PDP2: variants seen among roughly 807,000 people sequenced by gnomAD.
PDP2 encodes pyruvate dehydrogenase phosphatase catalytic subunit 2.
PDP2 carries 23 observed loss-of-function variants against 34.2 expected under a neutral mutation model. The ratio of observed to expected loss-of-function variants is 0.67; its 90% CI spans 0.48 to 0.95. The LOEUF (loss-of-function observed/expected upper bound fraction) is 0.95, where lower values mean the gene tolerates loss of function less well. Among genes scored for constraint, PDP2 ranks in the 40% least tolerant of loss-of-function variants. PDP2 has a pLI of 0.00. For missense variants in PDP2, 571 were observed against 659.6 expected (o/e 0.87, Z 1.47); for synonymous variants, 275 against 269.2 (o/e 1.02, Z -0.21).
In PDP2 at chr16:66,888,997, A is replaced by G. The variant is rs1167984586; in HGVS notation, c.*3123A>G. ...TCTTTCCATGAACATTCTGGGGAGC[A>G]CCTCCTGATTAAACTCCTGTCTCCC... is the stretch of plus-strand genomic sequence containing the variant. On this transcript the variant is annotated 3_prime_UTR_variant, in exon 2 of 2. Transcript: ENST00000311765. 1 of 152,114 alleles carries G rather than the reference A, an allele frequency of 6.6e-6. No homozygotes were observed. The highest frequency in any genetic ancestry group is 1.5e-5 in the Non-Finnish European group (1 of 68,022). 9.4% of individuals were successfully genotyped at this position (152,114 alleles called of 1,614,324 possible).
At chr16:66,882,160 A>ACGT (rs1961546889) in intron 1 of PDP2, among the ~76,000 whole-genome samples, 1 of 152,254 alleles carries the variant, frequency 6.6e-6, no homozygotes, top group Admixed American at 6.5e-5. Flanking sequence ...CTACAAAAAT[A>ACGT]CGTACAGAAT....
chr16:66,885,924 T>C lies in PDP2; in HGVS notation c.*50T>C, dbSNP rs1156288251. On this transcript the variant is annotated 3_prime_UTR_variant, in exon 2 of 2. Transcript: ENST00000311765. The surrounding 1 kb of genome is among the most constrained non-coding windows in gnomAD (Gnocchi z 4.6). ...TTAACATAAATGCTCTTCTAAAATG[T>C]TTCACTTACTCCTAAACTAGCTATC... is the stretch of plus-strand genomic sequence containing the variant. 1 of 1,519,158 alleles carries C rather than the reference T, an allele frequency of 6.6e-7. No individual in the cohort carries two copies. Among genetic ancestry groups the C allele is most frequent in the Non-Finnish European group, 8.9e-7 (1 of 1,119,958 alleles). The allele number at this position is 1,519,158 out of a possible 1,614,324, so 94.1% of individuals were successfully genotyped here.
Position 66,885,292 on chromosome 16 carries a change from C to G in PDP2, c.1008C>G (p.Asp336Glu). 1 of 1,614,120 alleles carries G rather than the reference C, an allele frequency of 6.2e-7. No individual in the cohort carries two copies. The highest frequency in any genetic ancestry group is 1.1e-5 in the South Asian group (1 of 91,072). Residue 336 changes from aspartate to glutamate, a missense_variant, in exon 2 of 2, where the codon GAC becomes GAG. Asp to Glu is a conservative substitution (Grantham distance 45, BLOSUM62 2). This residue lies in a region of PDP2 where 281 missense variants were observed against 375.8 expected (regional missense o/e 0.75). Transcript: ENST00000311765. This position sits in a 1 kb window ranked among gnomAD's most constrained non-coding sequence, Gnocchi z 4.6. The part of the protein sequence containing the change: ...ESEDRTIIME[D>E]RLLGVLIPCR... The stretch of plus-strand genomic sequence containing the variant: ...AGGACAGGACGATCATCATGGAGGA[C>G]AGGCTACTGGGCGTCCTCATCCCCT...
In PDP2 at chr16:66,885,657, G is replaced by A. The variant is rs1961731596; in HGVS notation, c.1373G>A (p.Arg458Lys). The change falls in exon 2 of 2, where the codon AGG becomes AAG. Residue 458 changes from arginine to lysine, a missense_variant. Physicochemically the swap from Arg to Lys is conservative, Grantham distance 26. This residue lies in a region of PDP2 where 281 missense variants were observed against 375.8 expected (regional missense o/e 0.75). Transcript: ENST00000311765. The surrounding 1 kb of genome is among the most constrained non-coding windows in gnomAD (Gnocchi z 4.6). ...LGLMQSLLLQ[R>K]KASGLHEADQ... ...CTCATGCAGAGCCTGCTGCTGCAGA[G>A]GAAAGCCAGCGGGCTCCACGAGGCT... 1 of 1,614,072 alleles carries A rather than the reference G, an allele frequency of 6.2e-7. No homozygotes were observed. Among genetic ancestry groups the A allele is most frequent in the Non-Finnish European group, 8.5e-7 (1 of 1,180,014 alleles).
chr16:66,884,033 G>T (rs1424923721), intron 1 of PDP2, among the ~76,000 whole-genome samples, 198 bp from the exon 2 acceptor site: 1 of 152,004 alleles, frequency 6.6e-6, no homozygotes, highest in Non-Finnish European at 1.5e-5. Flanking sequence ...AATTGGCCAG[G>T]TGTGGTGGCG....
At chr16:66,880,704 C>G (rs1466092580) in intron 1 of PDP2, 64 bp downstream of exon 1, 1 of 152,236 alleles carries the variant, frequency 6.6e-6, no homozygotes, top group Non-Finnish European at 1.5e-5. Flanking sequence ...ACACCTCTTT[C>G]CCCGCCAGGC....
At chr16:66,884,169 G>A (rs1353899700) in intron 1 of PDP2, 62 bp from the exon 2 acceptor site, 5 of 867,726 alleles carry the variant, frequency 5.8e-6, no homozygotes, top group South Asian at 1.9e-5. Flanking sequence ...GCGAGACTAC[G>A]TCTCAAAAAA....
intron 1 of PDP2, among the ~76,000 whole-genome samples, chr16:66,883,531 C>T (rs949076580): frequency 6.6e-6 from 1 of 152,236 alleles, no homozygotes; most frequent in Middle Eastern, 3.4e-3. Context: ...CTCAACTTAC[C>T]AGGCTCAGAT....
chr16:66,881,185 A>G (rs944274723), intron 1 of PDP2, among the ~76,000 whole-genome samples: 21 of 152,182 alleles, frequency 1.4e-4, no homozygotes, highest in African/African-American at 4.8e-4. Flanking sequence ...GCTGCGGTGT[A>G]TCACCCTGCA....
chr16:66,885,130 A>C lies in PDP2; in HGVS notation c.846A>C (p.Ala282=). ...TTGATGGAATTCACTTGCACGTGGC[A>C]AATGCTGGTGACTGCCGAGCCATCC... The part of the protein sequence containing the change: ...AHVDGIHLHV[A]NAGDCRAILG... Residue 282 remains alanine (A), a synonymous_variant, in exon 2 of 2, where the codon GCA becomes GCC. Coordinates refer to ENST00000311765, the MANE Select transcript of PDP2 (RefSeq NM_020786.4). The surrounding 1 kb of genome is among the most constrained non-coding windows in gnomAD (Gnocchi z 4.6). The C allele has an allele frequency of 6.2e-7, 1 of 1,614,010 alleles. No individual in the cohort carries two copies. The highest frequency in any genetic ancestry group is 8.5e-7 in the Non-Finnish European group (1 of 1,180,046).
chr16:66,881,100 GA>G (rs1567514217), intron 1 of PDP2, among the ~76,000 whole-genome samples: 1 of 152,230 alleles, frequency 6.6e-6, no homozygotes, highest in African/African-American at 2.4e-5. Context: ...TGCACTTAGC[GA>G]TGAGGCTGAA....
At position 66,888,442 on chromosome 16, in the gene PDP2, G is replaced by A. The variant is rs1961877893; in HGVS notation, c.*2568G>A. The stretch of plus-strand genomic sequence containing the variant: ...CATGAGGGTTTGTTGCTAAAATTGA[G>A]GATTCTATCTGACGTTTACTTTTTG... On this transcript the variant is annotated 3_prime_UTR_variant, in exon 2 of 2. Coordinates refer to ENST00000311765, the MANE Select transcript of PDP2 (RefSeq NM_020786.4). 1 of 151,990 alleles carries A rather than the reference G, an allele frequency of 6.6e-6. No homozygotes were observed. Among genetic ancestry groups the A allele is most frequent in the Non-Finnish European group, 1.5e-5 (1 of 68,020 alleles). 9.4% of individuals were successfully genotyped at this position (151,990 alleles called of 1,614,324 possible).
Position 66,886,417 on chromosome 16 carries a change from TGA to T in PDP2, c.*544_*545del. On this transcript the variant is annotated 3_prime_UTR_variant, in exon 2 of 2. Transcript: ENST00000311765. The stretch of plus-strand genomic sequence containing the variant: ...TGCAATATCCTAACTTTTTTTTTTG[TGA>T]TTATGCTTGTGAGAAATTTTGTAAT... 9 of 366,552 alleles carry T rather than the reference TGA, an allele frequency of 2.5e-5. No individual in the cohort carries two copies. The highest frequency in any genetic ancestry group is 1.3e-4 in the Admixed American group (4 of 31,634). The allele number at this position is 366,552 out of a possible 1,614,324, so 22.7% of individuals were successfully genotyped here.
Position 66,885,105 on chromosome 16 carries a change from T to C in PDP2, c.821T>C (p.Val274Ala), listed in dbSNP as rs760540880. 3 of 1,613,904 alleles carry C rather than the reference T, an allele frequency of 1.9e-6. No homozygotes were observed. Among genetic ancestry groups the C allele is most frequent in the African/African-American group, 2.7e-5 (2 of 74,938 alleles). ...FSGATACMAHVDGIHLHVANA... is the reference protein window; with the variant it reads ...FSGATACMAHADGIHLHVANA... ...GGGGCAACAGCTTGCATGGCCCATG[T>C]TGATGGAATTCACTTGCACGTGGCA... The change falls in exon 2 of 2, where the codon GTT becomes GCT. Residue 274 changes from valine to alanine, a missense_variant. Physicochemically the swap from Val to Ala is moderately conservative, Grantham distance 64. Transcript: ENST00000311765. The surrounding 1 kb of genome is among the most constrained non-coding windows in gnomAD (Gnocchi z 4.6).
rs1003042784 is a variant in PDP2 at position 66,887,553 on chromosome 16, G to A, written c.*1679G>A. ...ATGTTGGGATACTTCTAATTTGGTG[G>A]TGTTTCTTTGTACATTTTTCAGTGC... On this transcript the variant is annotated 3_prime_UTR_variant, in exon 2 of 2. Transcript: ENST00000311765. 4 of 167,080 alleles carry A rather than the reference G, an allele frequency of 2.4e-5. No homozygotes were observed. The highest frequency in any genetic ancestry group is 9.7e-5 in the African/African-American group (4 of 41,450). The allele number at this position is 167,080 out of a possible 1,614,324, so 10.3% of individuals were successfully genotyped here. A position where few individuals can be genotyped will look rare whatever the true frequency, so the allele number is the denominator to read the frequency against.
chr16:66,885,499 G>T lies in PDP2; in HGVS notation c.1215G>T (p.Lys405Asn). The T allele has an allele frequency of 6.2e-7, 1 of 1,614,106 alleles. No individual in the cohort carries two copies. The highest frequency in any genetic ancestry group is 1.1e-5 in the South Asian group (1 of 91,088). Residue 405 changes from lysine to asparagine, a missense_variant, in exon 2 of 2, where the codon AAG becomes AAT. Coordinates refer to ENST00000311765, the MANE Select transcript of PDP2 (RefSeq NM_020786.4). The surrounding 1 kb of genome is among the most constrained non-coding windows in gnomAD (Gnocchi z 4.6). ...VTYHRLRPQD[K>N]FLVLASDGLW... ...ACCACAGGCTGAGGCCCCAGGATAA[G>T]TTCCTTGTGCTGGCCTCAGATGGCC...
Position 66,886,405 on chromosome 16 carries a change from C to CT in PDP2, c.*541dup, listed in dbSNP as rs372166645. 3,344 of 318,926 alleles carry CT rather than the reference C, an allele frequency of 0.01. No homozygotes were observed. The highest frequency in any genetic ancestry group is 0.019 in the South Asian group (746 of 38,686). The allele number at this position is 318,926 out of a possible 1,614,324, so 19.8% of individuals were successfully genotyped here. ...GACCCTTTTCTATGCAATATCCTAA[C>CT]TTTTTTTTTTGTGATTATGCTTGTG... is the stretch of plus-strand genomic sequence containing the variant. On this transcript the variant is annotated 3_prime_UTR_variant, in exon 2 of 2. Transcript: ENST00000311765.
rs1357293473 is a variant in PDP2 at position 66,884,532 on chromosome 16, A to G, written c.248A>G (p.Asn83Ser). The G allele has an allele frequency of 1.9e-6, 3 of 1,614,216 alleles. No individual in the cohort carries two copies. The highest frequency in any genetic ancestry group is 2.2e-5 in the South Asian group (2 of 91,086). The change falls in exon 2 of 2, where the codon AAT becomes AGT. Residue 83 changes from asparagine to serine, a missense_variant. By Grantham distance (46) the Asn-to-Ser change is conservative (BLOSUM62 1). Around this residue, in one of 2 missense-constraint regions of PDP2, gnomAD observed 290 missense variants for 283.8 expected, o/e 1.02. Transcript: ENST00000311765. ...TTGCAACTCAGCCCTGAGCAGATAA[A>G]TGAAGTGCTTCGAGCTGGCGAGACA... ...FHLQLSPEQI[N>S]EVLRAGETTH...
chr16:66,884,291 A>C lies in PDP2; in HGVS notation c.7A>C (p.Ser3Arg), dbSNP rs755094930. 6.3e-7 allele frequency: 1 copy of C among 1,595,754 alleles called. No homozygotes were observed. Among genetic ancestry groups the C allele is most frequent in the Non-Finnish European group, 8.5e-7 (1 of 1,170,074 alleles). The stretch of plus-strand genomic sequence containing the variant: ...TTGCTGGTATAGTTTCAGAATGTCA[A>C]GTACTGTGTCCTACTGGATCTTAAA... MS[S>R]TVSYWILNST... The change falls in exon 2 of 2, where the codon AGT (serine) becomes CGT (arginine). Residue 3 changes from serine (S) to arginine (R), a missense_variant. By Grantham distance (110) the Ser-to-Arg change is moderately radical. Around this residue, in one of 2 missense-constraint regions of PDP2, gnomAD observed 290 missense variants for 283.8 expected, o/e 1.02. Transcript: ENST00000311765.
Sources: allele counts gnomAD v4.1 joint callset (sites outside exome capture counted in the v4.1 genomes callset), GRCh38; gene constraint gnomAD v4.1.1; regional missense constraint gnomAD v4.1.1; non-coding constraint Gnocchi (gnomAD v3.1); transcripts MANE v1.5; gene names NCBI Gene and HGNC (gene_info 2026-07-23, HGNC 2026-07-21).